Variants in PARD6G observed in about 807,000 individuals in gnomAD.
PARD6G encodes par-6 family cell polarity regulator gamma, also known as partitioning defective 6 homolog gamma.
A neutral mutation model predicts 10.7 loss-of-function variants in PARD6G; 7 were observed. The ratio of observed to expected loss-of-function variants is 0.66; its 90% CI spans 0.37 to 1.23. PARD6G has a LOEUF of 1.23. PARD6G is among the 50% of genes most tolerant of loss of function. The pLI is 0.02. For synonymous variants in PARD6G, 287 were observed against 269.4 expected, an observed-to-expected ratio of 1.07 and a Z score of -0.64; for missense variants, 548 against 571.8, an observed-to-expected ratio of 0.96 and a Z score of 0.42.
chr18:80,213,894 C>T (rs1967132533), intron 1 of PARD6G, among the ~76,000 whole-genome samples: 1 of 141,624 alleles, frequency 7.1e-6, no homozygotes, highest in African/African-American at 2.7e-5. Context: ...GAAGGCAGAG[C>T]TTGCAATGAG....
intron 1 of PARD6G, among the ~76,000 whole-genome samples, chr18:80,239,266 G>C (rs1300445115): frequency 1.3e-5 from 2 of 152,112 alleles, no homozygotes; most frequent in East Asian, 3.9e-4. Context: ...GAAGTGCTCT[G>C]GTCCAGCCAC....
chr18:80,185,767 C>A (rs2052871417), intron 2 of PARD6G, among the ~76,000 whole-genome samples: 2 of 130,950 alleles, frequency 1.5e-5, no homozygotes, highest in Admixed American at 7.4e-5. Flanking sequence ...CTCACACATG[C>A]ATATACCCTG....
intron 1 of PARD6G, among the ~76,000 whole-genome samples, chr18:80,235,622 T>C (rs1004566877): frequency 2.6e-5 from 4 of 151,686 alleles, no homozygotes; most frequent in African/African-American, 4.8e-5. Context: ...GCAAGACTAA[T>C]AAAGAAGAGA....
intron 1 of PARD6G, among the ~76,000 whole-genome samples, chr18:80,216,701 T>C (rs1375145146): frequency 2.0e-5 from 3 of 151,884 alleles, no homozygotes; most frequent in Non-Finnish European, 4.4e-5. Flanking sequence ...CTTCCACCAT[T>C]AGAAATGAAA....
intron 1 of PARD6G, among the ~76,000 whole-genome samples, chr18:80,238,109 A>C (rs1967445432): frequency 6.6e-6 from 1 of 152,234 alleles, no homozygotes; most frequent in Non-Finnish European, 1.5e-5. Flanking sequence ...AATGTCCAAC[A>C]ATGATAGACT....
chr18:80,217,360 A>G (rs1173895151), intron 1 of PARD6G, among the ~76,000 whole-genome samples: 1 of 152,300 alleles, frequency 6.6e-6, no homozygotes, highest in South Asian at 2.1e-4. Context: ...GATGTAGAGC[A>G]TAACTTCCCA....
intron 1 of PARD6G, among the ~76,000 whole-genome samples, chr18:80,233,229 A>G (rs1306424691): frequency 6.6e-6 from 1 of 152,206 alleles, no homozygotes; most frequent in Non-Finnish European, 1.5e-5. Context: ...ATTCATGCAA[A>G]GTTTTTAAAC....
intron 1 of PARD6G, among the ~76,000 whole-genome samples, chr18:80,217,576 T>A (rs2145291641): frequency 6.6e-6 from 1 of 152,296 alleles, no homozygotes; most frequent in Admixed American, 6.5e-5. Context: ...TGTCTTCTTC[T>A]TCCCCCAAAC....
At chr18:80,234,794 A>C (rs985620889) in intron 1 of PARD6G, among the ~76,000 whole-genome samples, 11 of 152,176 alleles carry the variant, frequency 7.2e-5, no homozygotes, top group African/African-American at 2.4e-4. Flanking sequence ...GATCAATTCA[A>C]CAAGAAGAGC....
intron 1 of PARD6G, among the ~76,000 whole-genome samples, chr18:80,234,623 A>G (rs1028221858): frequency 6.6e-6 from 1 of 152,082 alleles, no homozygotes; most frequent in African/African-American, 2.4e-5. Flanking sequence ...GAAAGCCAGT[A>G]TTAGTGGGGC....
Position 80,197,343 on chromosome 18 carries a change from C to T in PARD6G, c.295+5367G>A, listed in dbSNP as rs770857743. On this transcript the variant is annotated intron_variant, in intron 2 of 2. Coordinates refer to ENST00000353265, the MANE Select transcript of PARD6G (RefSeq NM_032510.4). ...CAAGATTCTCAATCATTCCATACCCCTTCCTTTTTCTAGTAACTCACTTAA... is the reference window on the plus strand; with the variant it reads ...CAAGATTCTCAATCATTCCATACCCTTTCCTTTTTCTAGTAACTCACTTAA... The T allele has an allele frequency of 3.9e-5, 6 of 152,224 alleles. No individual in the cohort carries two copies. The East Asian group carries it at 9.6e-4, about 24-fold the overall frequency. The allele number at this position is 152,224 out of a possible 1,614,324, so 9.4% of individuals were successfully genotyped here.
chr18:80,195,308 C>T (rs1404030292), intron 2 of PARD6G, among the ~76,000 whole-genome samples: 3 of 151,944 alleles, frequency 2.0e-5, no homozygotes, highest in Non-Finnish European at 2.9e-5. Context: ...CCTCATCCAC[C>T]GAGGCCAGGC....
intron 1 of PARD6G, among the ~76,000 whole-genome samples, chr18:80,238,248 A>G (rs1455638402): frequency 6.6e-6 from 1 of 152,188 alleles, no homozygotes; most frequent in East Asian, 1.9e-4. Context: ...AGGACAAAAA[A>G]CCAAACACTG....
intron 1 of PARD6G, among the ~76,000 whole-genome samples, chr18:80,241,668 GGT>G (rs1007009040): frequency 9.9e-5 from 15 of 152,176 alleles, no homozygotes; most frequent in African/African-American, 3.6e-4. Context: ...AGGGCCGCAG[GGT>G]GTGTGTTGGG....
At chr18:80,165,107 A>G (rs1341806493) in intron 2 of PARD6G, among the ~76,000 whole-genome samples, 2 of 152,160 alleles carry the variant, frequency 1.3e-5, no homozygotes, top group Non-Finnish European at 2.9e-5. Flanking sequence ...CTGACCACAA[A>G]TTTACCAGGG....
intron 1 of PARD6G, among the ~76,000 whole-genome samples, chr18:80,221,917 A>G (rs1967234660): frequency 6.6e-6 from 1 of 152,246 alleles, no homozygotes; most frequent in Non-Finnish European, 1.5e-5. Context: ...CAATCTAAAA[A>G]TTAAGAAAAT....
intron 2 of PARD6G, among the ~76,000 whole-genome samples, chr18:80,185,765 T>G (rs62101575): frequency 2.4e-5 from 2 of 83,648 alleles, no homozygotes; most frequent in African/African-American, 4.5e-5. Context: ...CCCTCACACA[T>G]GCATATACCC....
At chr18:80,209,707 C>A (rs1422372365) in intron 1 of PARD6G, among the ~76,000 whole-genome samples, 2 of 152,086 alleles carry the variant, frequency 1.3e-5, no homozygotes, top group Non-Finnish European at 2.9e-5. Flanking sequence ...AATCACTTGG[C>A]AGGCAGAGGC....
intron 1 of PARD6G, among the ~76,000 whole-genome samples, chr18:80,232,976 C>T (rs1197310100): frequency 6.6e-6 from 1 of 152,194 alleles, no homozygotes; most frequent in Non-Finnish European, 1.5e-5. Flanking sequence ...TCCTTGCACA[C>T]AGGGACCTGG....
Sources: gnomAD v4.1 joint callset for allele counts (sites outside exome capture counted in the v4.1 genomes callset) on GRCh38, gnomAD v4.1.1 for gene constraint, MANE v1.5 for transcripts, NCBI Gene and HGNC (gene_info 2026-07-23, HGNC 2026-07-21) for gene names.